LOXHD1: variants seen among roughly 807,000 people sequenced by gnomAD.
LOXHD1 encodes the protein lipoxygenase homology PLAT domains 1, also known as lipoxygenase homology domain-containing protein 1.
LOXHD1 carries 205 observed loss-of-function variants against 248.2 expected under a neutral mutation model. The ratio of observed to expected loss-of-function variants is 0.83; its 90% confidence interval spans 0.74 to 0.93. The LOEUF is 0.93. LOXHD1 is among the 40% of genes least tolerant of loss of function. The pLI, the probability that LOXHD1 is intolerant of heterozygous loss-of-function variation, is 0.00. For synonymous variants in LOXHD1, 1,113 were observed against 1,162.8 expected, an observed-to-expected ratio of 0.96 and a Z score of 0.87; for missense variants, 2,930 against 2,971.6, an observed-to-expected ratio of 0.99 and a Z score of 0.33.
At chr18:46,556,346 G>C (rs937646356) in intron 21 of LOXHD1, among the ~76,000 whole-genome samples, 9 of 152,142 alleles carry the variant, frequency 5.9e-5, no homozygotes. Context: ...GCTATGCCTA[G>C]GCATGGAAAC....
chr18:46,483,452 A>T, intron 40 of LOXHD1, 135 bp downstream of exon 40: 2 of 1,055,036 alleles, frequency 1.9e-6, no homozygotes, highest in Non-Finnish European at 2.8e-6. Context: ...CCTGCCTTCT[A>T]GGCCTCCTGA....
At chr18:46,560,728 G>A (rs1287155259) in intron 18 of LOXHD1, among the ~76,000 whole-genome samples, 183 bp from the exon 19 acceptor site, 6 of 152,140 alleles carry the variant, frequency 3.9e-5, no homozygotes, top group Non-Finnish European at 1.5e-5. Context: ...CCTGTCCTGG[G>A]TCCCCTGGGA....
chr18:46,494,143 G>A (rs2033677729), intron 37 of LOXHD1, among the ~76,000 whole-genome samples: 1 of 152,112 alleles, frequency 6.6e-6, no homozygotes, highest in African/African-American at 2.4e-5. Context: ...CAGACATCTT[G>A]AGAAATCTCT....
intron 12 of LOXHD1, among the ~76,000 whole-genome samples, chr18:46,586,081 G>A (rs189839199): frequency 6.6e-6 from 1 of 152,274 alleles, no homozygotes; most frequent in Middle Eastern, 3.4e-3. Context: ...AAAGAACGGA[G>A]TACTGATAAT....
intron 21 of LOXHD1, among the ~76,000 whole-genome samples, chr18:46,554,308 C>T (rs573026123): frequency 6.6e-6 from 1 of 152,286 alleles, no homozygotes; most frequent in South Asian, 2.1e-4. Context: ...AGGATGTTGA[C>T]TGGACATGTC....
chr18:46,557,391 G>A lies in LOXHD1; in HGVS notation c.3315C>T (p.Asp1105=). The A allele has an allele frequency of 1.3e-6, 2 of 1,552,324 alleles. No homozygotes were observed. The highest frequency in any genetic ancestry group is 1.7e-6 in the Non-Finnish European group (2 of 1,147,142). Residue 1105 remains aspartate, a synonymous_variant, in exon 21 of 41, where the codon GAC becomes GAT. Coordinates refer to ENST00000642948, the MANE Select transcript of LOXHD1 (RefSeq NM_001384474.1). Reference sequence around the variant, plus strand: ...TGTTCATGTCAGTAATGTCTATTCTGTCCAGGAACCAGCCTGCTCTGTTGC... The same window carrying A: ...TGTTCATGTCAGTAATGTCTATTCTATCCAGGAACCAGCCTGCTCTGTTGC... ...NTGNRAGWFL[D]RIDITDMNNE...
chr18:46,582,470 AAAAGCAGTAAAG>A (rs2037982014), intron 12 of LOXHD1, among the ~76,000 whole-genome samples: 1 of 152,228 alleles, frequency 6.6e-6, no homozygotes, highest in East Asian at 1.9e-4. Flanking sequence ...TAAAAAATAT[AAAAGCAGTAAAG>A]AAAGCAGTAA....
rs750804415 is a variant in LOXHD1, at chr18:46,579,636, C to T, written c.1803G>A (p.Lys601=). 2.1e-5 allele frequency: 32 copies of T among 1,551,692 alleles called. No individual in the cohort carries two copies. The highest frequency in any genetic ancestry group is 2.6e-5 in the Non-Finnish European group (30 of 1,146,998). The change falls in exon 13 of 41, where the codon AAG becomes AAA. Residue 601 remains lysine (K), a synonymous_variant. Coordinates refer to ENST00000642948, the MANE Select transcript of LOXHD1 (RefSeq NM_001384474.1). ...GCACATTGCTGTAACTTACATTGCC[C>T]TTTTCAAACAGGTCTGTGTTATTCC... The part of the protein sequence containing the change: ...NCRNNTDLFE[K]GNADEFTIES...
chr18:46,477,643 G>A lies in LOXHD1; in HGVS notation c.6651C>T (p.Arg2217=), dbSNP rs1057521570. 1.9e-6 allele frequency: 3 copies of A among 1,551,798 alleles called. No individual in the cohort carries two copies. Among genetic ancestry groups the A allele is most frequent in the Non-Finnish European group, 2.6e-6 (3 of 1,147,024 alleles). ...FLETLELGEL[R]KVRLEHDSSG... ...TGCTGTCGTGCTCCAGGCGCACCTT[G>A]CGCAGCTCACCCAGCTCCAGCGTCT... Residue 2217 remains arginine (R), a synonymous_variant, in exon 41 of 41, where the codon CGC becomes CGT. Coordinates refer to ENST00000642948, the MANE Select transcript of LOXHD1 (RefSeq NM_001384474.1).
chr18:46,536,924 C>T (rs1568154064), intron 26 of LOXHD1, among the ~76,000 whole-genome samples: 2 of 152,180 alleles, frequency 1.3e-5, no homozygotes, highest in Non-Finnish European at 2.9e-5. Flanking sequence ...GCTCCTGGCT[C>T]TTCTCCTTCA....
intron 33 of LOXHD1, among the ~76,000 whole-genome samples, chr18:46,519,356 A>G (rs1456544698): frequency 6.6e-6 from 1 of 152,170 alleles, no homozygotes; most frequent in Non-Finnish European, 1.5e-5. Context: ...TGGACCTCCA[A>G]ACCGGAGCTA....
chr18:46,527,586 C>A (rs1301042800), intron 29 of LOXHD1, among the ~76,000 whole-genome samples: 10 of 152,204 alleles, frequency 6.6e-5, no homozygotes, highest in Admixed American at 6.5e-4. Context: ...GCTCAGGTGA[C>A]CTGCCCCTAG....
intron 25 of LOXHD1, among the ~76,000 whole-genome samples, chr18:46,539,322 G>C (rs953691927): frequency 6.6e-6 from 1 of 152,184 alleles, no homozygotes; most frequent in Admixed American, 6.5e-5. Context: ...TTAGCTGGAC[G>C]TGGCGGTGGG....
At chr18:46,618,129 G>A (rs771676945) in intron 5 of LOXHD1, 63 bp downstream of exon 5, 1 of 1,248,680 alleles carries the variant, frequency 8.0e-7, no homozygotes, top group Non-Finnish European at 1.1e-6. Context: ...CAGGATTGTG[G>A]GAACCCCATC....
chr18:46,482,435 A>G (rs2032658215), intron 40 of LOXHD1, among the ~76,000 whole-genome samples: 1 of 152,210 alleles, frequency 6.6e-6, no homozygotes, highest in Non-Finnish European at 1.5e-5. Flanking sequence ...TGTGCAGGAC[A>G]GAAAGAGAGT....
chr18:46,496,566 C>A (rs2033884296), intron 37 of LOXHD1, among the ~76,000 whole-genome samples: 1 of 152,152 alleles, frequency 6.6e-6, no homozygotes, highest in Admixed American at 6.5e-5. Flanking sequence ...AGTCTAAGGA[C>A]ATGTTTAGCC....
intron 34 of LOXHD1, among the ~76,000 whole-genome samples, chr18:46,514,566 A>G (rs766374829): frequency 1.7e-4 from 26 of 152,212 alleles, no homozygotes; most frequent in Non-Finnish European, 3.7e-4. Flanking sequence ...AGCCCTAGAC[A>G]TGGTCACAGC....
chr18:46,482,124 G>T (rs2032629062), intron 40 of LOXHD1, among the ~76,000 whole-genome samples: 1 of 152,204 alleles, frequency 6.6e-6, no homozygotes, highest in African/African-American at 2.4e-5. Context: ...CAGCCACATA[G>T]AGCAACTCCT....
At chr18:46,507,800 C>T (rs886548638) in intron 35 of LOXHD1, 88 bp from the exon 36 acceptor site, 2 of 1,385,558 alleles carry the variant, frequency 1.4e-6, no homozygotes, top group Admixed American at 2.2e-5. Flanking sequence ...TCCCCGAATC[C>T]CAACCCTGGA....
Sources: gnomAD v4.1 joint callset for allele counts (sites outside exome capture counted in the v4.1 genomes callset) on GRCh38, gnomAD v4.1.1 for gene constraint, MANE v1.5 for transcripts, NCBI Gene and HGNC (gene_info 2026-07-23, HGNC 2026-07-21) for gene names.